Variants in CDH23 observed in about 807,000 individuals in gnomAD.
The protein encoded by CDH23 is cadherin related 23, also known as cadherin-23.
In CDH23, 189 loss-of-function variants were observed where a neutral mutation model predicts 317.1. The observed-to-expected ratio is 0.60, with a 90% CI of 0.53 to 0.67. CDH23 has a LOEUF of 0.67. CDH23 is among the 30% of genes least tolerant of loss of function. CDH23 has a pLI of 0.00. For missense variants in CDH23, 4,401 were observed against 4,592.4 expected (o/e 0.96, Z 1.20); for synonymous variants, 1,839 against 1,876.8 (o/e 0.98, Z 0.52).
chr10:71,725,304 G>T, intron 29 of CDH23, 68 bp from the exon 30 acceptor site: 1 of 1,609,208 alleles, frequency 6.2e-7, no homozygotes, highest in South Asian at 1.1e-5. Context: ...CCCCAACCAT[G>T]GCAGGCCAGC....
Position 71,559,298 on chromosome 10 carries a change from G to C in CDH23, c.430-7444G>C, listed in dbSNP as rs112243426. 1.1e-3 allele frequency among the ~76,000 whole-genome samples: 163 copies of C among 152,304 alleles called. 1 individual carries two copies. The highest frequency in any genetic ancestry group is 3.9e-3 in the African/African-American group (162 of 41,558). On this transcript the variant is annotated intron_variant, in intron 6 of 69. Transcript: ENST00000224721. Reference sequence around the variant, plus strand: ...TTAATTCCTTTATTGTCATTTTGGTGAGGGGCTGGGACAAAAACAGAATTA... The same window carrying C: ...TTAATTCCTTTATTGTCATTTTGGTCAGGGGCTGGGACAAAAACAGAATTA...
At chr10:71,601,125 A>C (rs549211903) in intron 9 of CDH23, among the ~76,000 whole-genome samples, 1 of 152,316 alleles carries the variant, frequency 6.6e-6, no homozygotes, top group Admixed American at 6.5e-5. Flanking sequence ...AAAACCCTCC[A>C]ACATTAGGAA....
chr10:71,757,917 G>T (rs1378728345), intron 38 of CDH23, among the ~76,000 whole-genome samples: 1 of 152,200 alleles, frequency 6.6e-6, no homozygotes, highest in Non-Finnish European at 1.5e-5. Flanking sequence ...CAGCCCCTCA[G>T]CAATGCAGGA....
chr10:71,438,236 G>T (rs557459723), intron 1 of CDH23, among the ~76,000 whole-genome samples: 2 of 14,128 alleles, frequency 1.4e-4, no homozygotes, highest in East Asian at 2.9e-3. Flanking sequence ...CCAGCTACTC[G>T]GGGGGGCTGA....
chr10:71,690,955 C>A (rs1413802040), intron 20 of CDH23, among the ~76,000 whole-genome samples: 1 of 152,200 alleles, frequency 6.6e-6, no homozygotes, highest in South Asian at 2.1e-4. Flanking sequence ...CCTCTTCTTA[C>A]ACGGATGTGT....
rs751021859 is a variant in CDH23, at chr10:71,807,410, G to C, written c.8308+4G>C. The stretch of plus-strand genomic sequence containing the variant: ...ATCGTGTACTACTTCATCGCAGGTG[G>C]GGCCAGACAGAGCTAGTGCCCTGAT... On this transcript the variant is annotated splice_donor_region_variant and intron_variant, in intron 58 of 69. Coordinates refer to ENST00000224721, the MANE Select transcript of CDH23 (RefSeq NM_022124.6). 3.7e-6 allele frequency: 6 copies of C among 1,613,736 alleles called. No individual in the cohort carries two copies. The highest frequency in any genetic ancestry group is 5.1e-6 in the Non-Finnish European group (6 of 1,179,744).
chr10:71,704,345 G>A (rs995847856), intron 24 of CDH23, among the ~76,000 whole-genome samples: 1 of 152,212 alleles, frequency 6.6e-6, no homozygotes, highest in Non-Finnish European at 1.5e-5. Flanking sequence ...TGAGAACAGT[G>A]TAGGAATTTG....
intron 6 of CDH23, among the ~76,000 whole-genome samples, chr10:71,551,858 C>T (rs1027822960): frequency 4.6e-5 from 7 of 152,284 alleles, no homozygotes; most frequent in East Asian, 3.9e-4. Context: ...GCAGGGCCCA[C>T]CTCCCCCAGC....
Position 71,675,094 on chromosome 10 carries a change from T to C in CDH23, c.1450-18T>C. On this transcript the variant is annotated intron_variant, in intron 14 of 69. Transcript: ENST00000224721. ...AGCTGGGCCTGGCAGTAATGACTTC[T>C]TGTTCTCGCTGTTGCAGGCAACTGA... The C allele has an allele frequency of 6.2e-7, 1 of 1,613,138 alleles. No individual in the cohort carries two copies. The highest frequency in any genetic ancestry group is 8.5e-7 in the Non-Finnish European group (1 of 1,179,152).
intron 3 of CDH23, among the ~76,000 whole-genome samples, chr10:71,453,935 A>G (rs754987552): frequency 2.8e-4 from 42 of 152,032 alleles, no homozygotes; most frequent in Admixed American, 7.8e-4. Flanking sequence ...CAGCTCTACG[A>G]AAAAAAATAT....
At chr10:71,814,711 GAT>G (rs1351762627) in intron 69 of CDH23, among the ~76,000 whole-genome samples, 3 of 105,110 alleles carry the variant, frequency 2.9e-5, no homozygotes, top group African/African-American at 4.0e-5. Flanking sequence ...ACAAGAAGCC[GAT>G]ACACACACAC....
At chr10:71,736,089 TC>T (rs1474401034) in intron 34 of CDH23, among the ~76,000 whole-genome samples, 1 of 152,062 alleles carries the variant, frequency 6.6e-6, no homozygotes, top group Non-Finnish European at 1.5e-5. Context: ...GGAAAGGAGG[TC>T]CCCCTGCGTG....
Position 71,582,865 on chromosome 10 carries a change from C to T in CDH23, c.832+4873C>T, listed in dbSNP as rs186685495. Among the ~76,000 whole-genome samples the T allele has an allele frequency of 3.9e-5, 6 of 152,330 alleles. No homozygotes were observed. The East Asian group carries it at 1.2e-3, about 29-fold the overall frequency. ...CCTGCAGTTTGGTCAGGAGACAGAC[C>T]TATGCAGCGGCAGCTTTAATACCTC... On this transcript the variant is annotated intron_variant, in intron 9 of 69. Coordinates refer to ENST00000224721, the MANE Select transcript of CDH23 (RefSeq NM_022124.6).
chr10:71,701,867 C>G (rs1249685884), intron 22 of CDH23, among the ~76,000 whole-genome samples, 155 bp from the exon 23 acceptor site: 3 of 152,174 alleles, frequency 2.0e-5, no homozygotes. Flanking sequence ...CCTCTCGGAC[C>G]CCCCTACCGG....
chr10:71,775,783 A>G (rs1840804119), intron 38 of CDH23, among the ~76,000 whole-genome samples: 1 of 152,182 alleles, frequency 6.6e-6, no homozygotes. Context: ...GCTTGTTTTC[A>G]TTAAAAATAG....
chr10:71,789,628 C>T (rs776377993), intron 45 of CDH23, among the ~76,000 whole-genome samples: 14 of 152,214 alleles, frequency 9.2e-5, no homozygotes, highest in Non-Finnish European at 1.5e-4. Context: ...AGGTGAATTT[C>T]ATTCTTAAAC....
chr10:71,534,475 G>C (rs1855588956), intron 6 of CDH23, among the ~76,000 whole-genome samples: 2 of 152,110 alleles, frequency 1.3e-5, no homozygotes, highest in Non-Finnish European at 2.9e-5. Flanking sequence ...TTTTGCTACT[G>C]ATACAGAAAT....
Position 71,646,559 on chromosome 10 carries a change from T to C in CDH23, c.1391T>C (p.Leu464Pro). The change falls in exon 14 of 70, where the codon CTG becomes CCG. Residue 464 changes from leucine to proline, a missense_variant. Coordinates refer to ENST00000224721, the MANE Select transcript of CDH23 (RefSeq NM_022124.6). ...NDNRPIFSQP[L>P]YNISLYENVT... ...AACCGGCCCATCTTCAGCCAGCCAC[T>C]GTACAACATCAGCCTGTACGAGAAC... 1.2e-6 allele frequency: 2 copies of C among 1,614,016 alleles called. No individual in the cohort carries two copies.
intron 1 of CDH23, among the ~76,000 whole-genome samples, chr10:71,403,264 G>A (rs1340644798): frequency 6.6e-6 from 1 of 152,032 alleles, no homozygotes; most frequent in Non-Finnish European, 1.5e-5. Flanking sequence ...GTTGTTGGTT[G>A]GAGCTGAGTT....
Sources: allele counts gnomAD v4.1 joint callset (sites outside exome capture counted in the v4.1 genomes callset), GRCh38; gene constraint gnomAD v4.1.1; transcripts MANE v1.5; gene names NCBI Gene and HGNC (gene_info 2026-07-23, HGNC 2026-07-21).